HOOK3: variants seen among roughly 807,000 people sequenced by gnomAD.
HOOK3 encodes the protein protein Hook homolog 3.
A neutral mutation model predicts 116.3 loss-of-function variants in HOOK3; 24 were observed. The observed-to-expected ratio is 0.21, with a 90% CI of 0.15 to 0.29. The LOEUF (loss-of-function observed/expected upper bound fraction) is 0.29. Among genes scored for constraint, HOOK3 ranks in the 10% least tolerant of loss-of-function variants. HOOK3 has a pLI of 1.00. For synonymous variants in HOOK3, 275 were observed against 283.0 expected, an observed-to-expected ratio of 0.97 and a Z score of 0.28; for missense variants, 632 against 830.2, an observed-to-expected ratio of 0.76 and a Z score of 2.93.
intron 1 of HOOK3, among the ~76,000 whole-genome samples, chr8:42,897,961 G>A (rs962818502): frequency 2.6e-5 from 4 of 152,380 alleles, no homozygotes; most frequent in African/African-American, 9.6e-5. Flanking sequence ...GAGCCCGGGC[G>A]GACCCCGCGC....
chr8:43,025,002 T>C lies in HOOK3; in HGVS notation c.*6504T>C, dbSNP rs1444287795. On this transcript the variant is annotated 3_prime_UTR_variant, in exon 22 of 22. Transcript: ENST00000307602. ...CAAACCATTTCACATGTATTATCTATATGACTATAGAAACTTATAAAACAT... is the reference window on the plus strand; with the variant it reads ...CAAACCATTTCACATGTATTATCTACATGACTATAGAAACTTATAAAACAT... The C allele has an allele frequency of 1.5e-5, 3 of 203,528 alleles. No homozygotes were observed. Among genetic ancestry groups the C allele is most frequent in the Non-Finnish European group, 3.0e-5 (3 of 99,184 alleles). The allele number at this position is 203,528 out of a possible 1,614,324, so 12.6% of individuals were successfully genotyped here.
intron 4 of HOOK3, among the ~76,000 whole-genome samples, chr8:42,939,848 C>T (rs888126675): frequency 2.7e-5 from 4 of 148,734 alleles, no homozygotes; most frequent in Non-Finnish European, 5.9e-5. Flanking sequence ...CCGGACGGGG[C>T]GGCAGGGCAG....
intron 17 of HOOK3, among the ~76,000 whole-genome samples, chr8:43,005,602 T>C (rs1809469512): frequency 1.3e-5 from 2 of 152,138 alleles, no homozygotes; most frequent in South Asian, 2.1e-4. Flanking sequence ...ATTCTGACTT[T>C]GGTTACCTCT....
chr8:42,953,340 T>G (rs1808377131), intron 6 of HOOK3, among the ~76,000 whole-genome samples: 1 of 146,754 alleles, frequency 6.8e-6, no homozygotes, highest in Non-Finnish European at 1.5e-5. Context: ...TTGAGGTGGG[T>G]GGATCACGAG....
intron 2 of HOOK3, among the ~76,000 whole-genome samples, chr8:42,908,027 A>C (rs950976615): frequency 2.6e-5 from 4 of 152,162 alleles, no homozygotes; most frequent in African/African-American, 9.6e-5. Flanking sequence ...AGTACTAACA[A>C]CAAACTATCT....
At chr8:42,925,464 C>A in intron 2 of HOOK3, 93 bp from the exon 3 acceptor site, 1 of 772,154 alleles carries the variant, frequency 1.3e-6, no homozygotes, top group South Asian at 1.8e-5. Flanking sequence ...TTTTATGTTG[C>A]AGTTAAGTGA....
chr8:42,900,784 A>G (rs927637767), intron 1 of HOOK3, among the ~76,000 whole-genome samples: 1 of 152,238 alleles, frequency 6.6e-6, no homozygotes, highest in African/African-American at 2.4e-5. Context: ...TTGCATTGAT[A>G]TTTAACTTTA....
intron 17 of HOOK3, among the ~76,000 whole-genome samples, chr8:43,006,228 G>A (rs1206578206): frequency 6.7e-6 from 1 of 150,102 alleles, no homozygotes; most frequent in Non-Finnish European, 1.5e-5. Context: ...CACCGTGTTA[G>A]CCAGGATGGT....
intron 16 of HOOK3, among the ~76,000 whole-genome samples, chr8:43,001,246 A>G (rs1024595705): frequency 6.6e-6 from 1 of 152,136 alleles, no homozygotes; most frequent in African/African-American, 2.4e-5. Context: ...TTGAAGTATT[A>G]TAGAGCTGTG....
At chr8:42,992,881 C>T (rs185602590) in intron 15 of HOOK3, among the ~76,000 whole-genome samples, 181 of 152,210 alleles carry the variant, frequency 1.2e-3, no homozygotes, top group African/African-American at 4.2e-3. Flanking sequence ...CATCCTTGTC[C>T]TGTTCCTGAT....
At position 43,025,132 on chromosome 8, in the gene HOOK3, TTATGGCAAG is replaced by T. The variant is rs1809910059; in HGVS notation, c.*6638_*6646del. 1 of 211,916 alleles carries T rather than the reference TTATGGCAAG, an allele frequency of 4.7e-6. No homozygotes were observed. The allele number at this position is 211,916 out of a possible 1,614,324, so 13.1% of individuals were successfully genotyped here. On this transcript the variant is annotated 3_prime_UTR_variant, in exon 22 of 22. Coordinates refer to ENST00000307602, the MANE Select transcript of HOOK3 (RefSeq NM_032410.4). ...TGAGAAACAAGAGACCTGTACCTAA[TTATGGCAAG>T]TATATGAGTTTTGGTGATTGTGGGG...
intron 4 of HOOK3, among the ~76,000 whole-genome samples, chr8:42,940,376 G>T (rs1808087555): frequency 6.6e-6 from 1 of 152,234 alleles, no homozygotes; most frequent in African/African-American, 2.4e-5. Context: ...CAGGCACTCG[G>T]CAGGCCAAGG....
intron 2 of HOOK3, among the ~76,000 whole-genome samples, chr8:42,915,193 T>TGTCC (rs1807507621): frequency 6.6e-6 from 1 of 152,014 alleles, no homozygotes; most frequent in African/African-American, 2.4e-5. Context: ...GGTCACCAGG[T>TGTCC]GATTTTCACT....
At position 43,013,366 on chromosome 8, in the gene HOOK3, A is replaced by G; in HGVS notation, c.1982A>G (p.Glu661Gly). 1 of 1,585,608 alleles carries G rather than the reference A, an allele frequency of 6.3e-7. No individual in the cohort carries two copies. Among genetic ancestry groups the G allele is most frequent in the Admixed American group, 1.8e-5 (1 of 54,070 alleles). ...AAAACAAAGAGTCAGAGAGAGATGG[A>G]AGAGAAATATATTGTTAGTGCCTGG... ...YEKTKSQREM[E>G]EKYIVSAWYN... The change falls in exon 21 of 22, where the codon GAA becomes GGA. Residue 661 changes from glutamate to glycine, a missense_variant. Transcript: ENST00000307602.
chr8:42,970,874 A>AC (rs1417970841), intron 11 of HOOK3, among the ~76,000 whole-genome samples: 2 of 139,784 alleles, frequency 1.4e-5, no homozygotes, highest in East Asian at 2.1e-4. Context: ...TGCAGCCTCG[A>AC]CCCCCCAGGC....
At chr8:42,939,194 G>A (rs1388501347) in intron 4 of HOOK3, among the ~76,000 whole-genome samples, 1 of 151,972 alleles carries the variant, frequency 6.6e-6, no homozygotes, top group African/African-American at 2.4e-5. Flanking sequence ...CCACAAAACC[G>A]CCATTGTCAT....
intron 4 of HOOK3, among the ~76,000 whole-genome samples, chr8:42,933,875 T>G (rs1440291744): frequency 3.3e-5 from 5 of 152,226 alleles, no homozygotes; most frequent in African/African-American, 7.2e-5. Context: ...ACTTGTTCAC[T>G]TTCTGGGACC....
chr8:43,013,062 T>G lies in HOOK3; in HGVS notation c.1851T>G (p.Thr617=), dbSNP rs1396164518. 1.2e-6 allele frequency: 2 copies of G among 1,606,550 alleles called. No homozygotes were observed. Among genetic ancestry groups the G allele is most frequent in the Admixed American group, 1.7e-5 (1 of 58,654 alleles). Residue 617 remains threonine, a synonymous_variant, in exon 20 of 22, where the codon ACT becomes ACG. Coordinates refer to ENST00000307602, the MANE Select transcript of HOOK3 (RefSeq NM_032410.4). ...ATTATTTTTTGCAGGTCATCCGTAC[T>G]TTAGATCCTAAACAGAATCAAGGAG... ...YLEKAKSVIR[T]LDPKQNQGAA...
intron 1 of HOOK3, among the ~76,000 whole-genome samples, chr8:42,901,608 A>G (rs930505007): frequency 6.6e-6 from 1 of 152,218 alleles, no homozygotes; most frequent in Non-Finnish European, 1.5e-5. Context: ...CCTTATGAGC[A>G]ACTATGTACC....
Sources: allele counts gnomAD v4.1 joint callset (sites outside exome capture counted in the v4.1 genomes callset), GRCh38; gene constraint gnomAD v4.1.1; transcripts MANE v1.5; gene names NCBI Gene and HGNC (gene_info 2026-07-23, HGNC 2026-07-21).